UTRN: variants seen among roughly 807,000 people sequenced by gnomAD.
UTRN encodes the protein dystrophin-related protein 1.
A neutral mutation model predicts 463.9 loss-of-function variants in UTRN; 283 were observed. That is an observed-to-expected ratio of 0.61 (90% CI 0.55 to 0.67). UTRN has a LOEUF of 0.67. Among genes scored for constraint, UTRN ranks in the 30% least tolerant of loss-of-function variants. UTRN has a pLI of 0.00. For missense variants in UTRN, 3,922 were observed against 4,084.3 expected (o/e 0.96, Z 1.08); for synonymous variants, 1,442 against 1,431.5 (o/e 1.01, Z -0.17).
At chr6:144,636,391 G>A (rs775740047) in intron 51 of UTRN, among the ~76,000 whole-genome samples, 1 of 144,650 alleles carries the variant, frequency 6.9e-6, no homozygotes, top group Non-Finnish European at 1.5e-5. Flanking sequence ...GGGCCTGTCA[G>A]GGGGTGGGGG....
chr6:144,296,024 C>G (rs376439147), intron 2 of UTRN, among the ~76,000 whole-genome samples: 1 of 152,220 alleles, frequency 6.6e-6, no homozygotes, highest in African/African-American at 2.4e-5. Flanking sequence ...CTCCCAGTCA[C>G]TCTTGACTGC....
chr6:144,714,507 G>C (rs962484085), intron 53 of UTRN, among the ~76,000 whole-genome samples: 5 of 152,112 alleles, frequency 3.3e-5, no homozygotes, highest in Admixed American at 6.5e-5. Context: ...AGTCACACAG[G>C]GCTCTGCTCT....
At chr6:144,493,705 C>T (rs922638338) in intron 33 of UTRN, among the ~76,000 whole-genome samples, 3 of 152,192 alleles carry the variant, frequency 2.0e-5, no homozygotes, top group Admixed American at 6.5e-5. Context: ...CACAGTGGCT[C>T]ACGCCTGTAA....
intron 2 of UTRN, among the ~76,000 whole-genome samples, chr6:144,356,214 G>T (rs541660789): frequency 6.6e-6 from 1 of 152,128 alleles, no homozygotes; most frequent in Non-Finnish European, 1.5e-5. Context: ...ATTATTTATG[G>T]TATATTCAGG....
chr6:144,380,771 C>T (rs1326223361), intron 2 of UTRN, among the ~76,000 whole-genome samples: 1 of 152,030 alleles, frequency 6.6e-6, no homozygotes, highest in African/African-American at 2.4e-5. Context: ...ATGATTGTGC[C>T]ATTGCACTCC....
chr6:144,748,584 G>C, intron 55 of UTRN, 70 bp downstream of exon 55: 4 of 1,540,708 alleles, frequency 2.6e-6, no homozygotes, highest in Non-Finnish European at 3.5e-6. Context: ...AATAAAGAGA[G>C]CCACGTATAT....
chr6:144,824,614 C>CTTTTTTT (rs34382974), intron 66 of UTRN, among the ~76,000 whole-genome samples: 3 of 30,878 alleles, frequency 9.7e-5, no homozygotes, highest in African/African-American at 3.2e-4. Flanking sequence ...ATATATATAT[C>CTTTTTTT]TTTTTTTTTT....
At chr6:144,371,208 A>G (rs1779952122) in intron 2 of UTRN, among the ~76,000 whole-genome samples, 1 of 152,130 alleles carries the variant, frequency 6.6e-6, no homozygotes, top group South Asian at 2.1e-4. Flanking sequence ...TATATTGCCT[A>G]TTTTTAATAA....
intron 50 of UTRN, among the ~76,000 whole-genome samples, chr6:144,576,373 A>G (rs1801434602): frequency 1.3e-5 from 2 of 152,162 alleles, no homozygotes; most frequent in African/African-American, 4.8e-5. Context: ...AGGTGTGTGT[A>G]TCTCTTAACT....
intron 34 of UTRN, among the ~76,000 whole-genome samples, chr6:144,501,604 A>G (rs2128585072): frequency 6.6e-6 from 1 of 152,278 alleles, no homozygotes. Flanking sequence ...TATTAGAGAT[A>G]TGCATAGTAT....
chr6:144,789,132 C>T, intron 61 of UTRN, 62 bp from the exon 62 acceptor site: 1 of 1,292,078 alleles, frequency 7.7e-7, no homozygotes, highest in Non-Finnish European at 1.1e-6. Flanking sequence ...TATTCAGAAA[C>T]AATGAACATG....
At chr6:144,310,277 C>A (rs997565779) in intron 2 of UTRN, among the ~76,000 whole-genome samples, 4 of 151,942 alleles carry the variant, frequency 2.6e-5, no homozygotes, top group African/African-American at 9.7e-5. Flanking sequence ...TGGCTCATGC[C>A]TGTAATCCCA....
At chr6:144,403,492 T>A (rs1429187505) in intron 3 of UTRN, among the ~76,000 whole-genome samples, 2 of 152,096 alleles carry the variant, frequency 1.3e-5, no homozygotes, top group Non-Finnish European at 2.9e-5. Flanking sequence ...TTGGGAAAAT[T>A]TTTGAGTTCT....
At chr6:144,421,616 G>A (rs1784837478) in intron 3 of UTRN, among the ~76,000 whole-genome samples, 1 of 151,882 alleles carries the variant, frequency 6.6e-6, no homozygotes, top group Non-Finnish European at 1.5e-5. Context: ...GTGAACCCTG[G>A]AGGCGGAGGT....
chr6:144,305,965 A>G (rs1202129858), intron 2 of UTRN, among the ~76,000 whole-genome samples: 1 of 152,154 alleles, frequency 6.6e-6, no homozygotes, highest in African/African-American at 2.4e-5. Context: ...GTCTATTTCT[A>G]TGTCTGAAAG....
intron 64 of UTRN, among the ~76,000 whole-genome samples, chr6:144,799,201 G>A (rs1777505060): frequency 6.6e-6 from 1 of 152,190 alleles, no homozygotes; most frequent in Non-Finnish European, 1.5e-5. Context: ...GACTTTATCA[G>A]CATAATAGTT....
intron 49 of UTRN, among the ~76,000 whole-genome samples, chr6:144,556,481 C>G (rs1324384245): frequency 6.6e-6 from 1 of 152,206 alleles, no homozygotes; most frequent in Non-Finnish European, 1.5e-5. Context: ...TTCTTTTCTT[C>G]TGAAACCTTA....
intron 51 of UTRN, among the ~76,000 whole-genome samples, chr6:144,651,671 G>A (rs577530242): frequency 6.6e-6 from 1 of 152,212 alleles, no homozygotes; most frequent in South Asian, 2.1e-4. Context: ...TCAATTTTTA[G>A]TGAGGAAGTT....
At chr6:144,577,656 A>G (rs1801568912) in intron 51 of UTRN, among the ~76,000 whole-genome samples, 1 of 152,190 alleles carries the variant, frequency 6.6e-6, no homozygotes, top group Non-Finnish European at 1.5e-5. Context: ...TACATACTTA[A>G]TATAAAAGCT....
Sources: gnomAD v4.1 joint callset for allele counts (sites outside exome capture counted in the v4.1 genomes callset) on GRCh38, gnomAD v4.1.1 for gene constraint, MANE v1.5 for transcripts, NCBI Gene and HGNC (gene_info 2026-07-23, HGNC 2026-07-21) for gene names.